MAST4: variants seen among roughly 807,000 people sequenced by gnomAD.
MAST4 encodes microtubule-associated serine/threonine-protein kinase 4.
A neutral mutation model predicts 162.7 loss-of-function variants in MAST4; 89 were observed. The observed-to-expected ratio is 0.55, with a 90% CI of 0.46 to 0.65. The LOEUF (loss-of-function observed/expected upper bound fraction) is 0.65. MAST4 is among the 30% of genes least tolerant of loss of function. MAST4 has a pLI of 0.00. For missense variants in MAST4, 3,153 were observed against 3,374.0 expected (o/e 0.93, Z 1.62); for synonymous variants, 1,479 against 1,361.1 (o/e 1.09, Z -1.91).
At chr5:66,699,093 T>C (rs1163016651) in intron 1 of MAST4, among the ~76,000 whole-genome samples, 2 of 152,174 alleles carry the variant, frequency 1.3e-5, no homozygotes, top group Non-Finnish European at 2.9e-5. Context: ...CCCTATGTGA[T>C]CCAGTCCCCA....
At chr5:66,747,195 A>G (rs1752822850) in intron 1 of MAST4, among the ~76,000 whole-genome samples, 1 of 152,058 alleles carries the variant, frequency 6.6e-6, no homozygotes, top group Non-Finnish European at 1.5e-5. Flanking sequence ...AGATAGCAGT[A>G]TCAAAGTGCT....
At chr5:66,679,810 G>A (rs79137751) in intron 1 of MAST4, among the ~76,000 whole-genome samples, 206 of 152,114 alleles carry the variant, frequency 1.4e-3, no homozygotes, top group Non-Finnish European at 2.0e-3. Flanking sequence ...ACCCTGCCAC[G>A]TGCACAACTA....
intron 6 of MAST4, among the ~76,000 whole-genome samples, chr5:67,092,701 A>G (rs1317032780): frequency 6.6e-6 from 1 of 152,176 alleles, no homozygotes; most frequent in Non-Finnish European, 1.5e-5. Flanking sequence ...CTAGTTCCCT[A>G]GTTATTATGC....
intron 1 of MAST4, among the ~76,000 whole-genome samples, chr5:66,640,317 T>C (rs1745407444): frequency 6.6e-6 from 1 of 151,628 alleles, no homozygotes; most frequent in Non-Finnish European, 1.5e-5. Flanking sequence ...TTCTTTTTTT[T>C]TTTTTTTTGA....
chr5:66,911,802 A>G (rs888579771), intron 4 of MAST4, among the ~76,000 whole-genome samples: 1 of 152,186 alleles, frequency 6.6e-6, no homozygotes, highest in African/African-American at 2.4e-5. Flanking sequence ...AAATATTTAC[A>G]TATTTCATAG....
At chr5:66,714,339 G>A (rs1750683430) in intron 1 of MAST4, among the ~76,000 whole-genome samples, 1 of 152,142 alleles carries the variant, frequency 6.6e-6, no homozygotes, top group South Asian at 2.1e-4. Context: ...CTGTATCATC[G>A]AAACTGTCCA....
chr5:67,150,140 C>A (rs992761347), intron 24 of MAST4, among the ~76,000 whole-genome samples: 1 of 152,220 alleles, frequency 6.6e-6, no homozygotes, highest in Non-Finnish European at 1.5e-5. Flanking sequence ...AGCAAATCAT[C>A]TTCTGCCCTG....
intron 3 of MAST4, among the ~76,000 whole-genome samples, chr5:66,840,065 G>A (rs1296925046): frequency 6.6e-6 from 1 of 151,940 alleles, no homozygotes; most frequent in Non-Finnish European, 1.5e-5. Flanking sequence ...TAGTAGTTTA[G>A]TATGTTGAGA....
intron 1 of MAST4, among the ~76,000 whole-genome samples, chr5:66,754,193 T>C (rs888890530): frequency 9.4e-5 from 14 of 149,290 alleles, no homozygotes; most frequent in Admixed American, 4.0e-4. Context: ...ACAGCCAATA[T>C]CATACTGAAT....
chr5:67,163,673 G>A lies in MAST4; in HGVS notation c.4494G>A (p.Pro1498=). Residue 1498 remains proline (P), a synonymous_variant, in exon 29 of 29, where the codon CCG becomes CCA. Coordinates refer to ENST00000403625, the MANE Select transcript of MAST4 (RefSeq NM_001164664.2). This position sits in a 1 kb window ranked among gnomAD's most constrained non-coding sequence, Gnocchi z 7.0. ...SLDENVCDVP[P]LSRARPVEQG... ...ATGAGAACGTGTGCGACGTGCCGCC[G>A]CTCAGCCGCGCCCGGCCAGTGGAGC... is the stretch of plus-strand genomic sequence containing the variant. 6.2e-7 allele frequency: 1 copy of A among 1,608,172 alleles called. No homozygotes were observed. Among genetic ancestry groups the A allele is most frequent in the Non-Finnish European group, 8.5e-7 (1 of 1,177,984 alleles).
intron 1 of MAST4, among the ~76,000 whole-genome samples, chr5:66,616,178 TAGA>T (rs1257755520): frequency 1.1e-4 from 16 of 152,276 alleles, no homozygotes; most frequent in South Asian, 6.2e-4. Context: ...CAGAGACTGA[TAGA>T]AGAAGAACTC....
At chr5:66,720,494 T>G (rs1435529723) in intron 1 of MAST4, among the ~76,000 whole-genome samples, 1 of 152,178 alleles carries the variant, frequency 6.6e-6, no homozygotes, top group African/African-American at 2.4e-5. Context: ...TGTATTTTAA[T>G]TTTCAGCATG....
At chr5:66,674,567 G>A (rs905636730) in intron 1 of MAST4, among the ~76,000 whole-genome samples, 2 of 152,226 alleles carry the variant, frequency 1.3e-5, no homozygotes, top group African/African-American at 2.4e-5. Context: ...TAGACGAATA[G>A]CACCTTTCAG....
At chr5:66,809,394 T>G (rs559182688) in intron 3 of MAST4, among the ~76,000 whole-genome samples, 20 of 152,304 alleles carry the variant, frequency 1.3e-4, no homozygotes, top group Middle Eastern at 3.4e-3. Flanking sequence ...TGGCAGTTGA[T>G]CAACAACAAC....
chr5:67,042,796 A>C (rs1756923886), intron 4 of MAST4, among the ~76,000 whole-genome samples: 1 of 152,230 alleles, frequency 6.6e-6, no homozygotes, highest in Admixed American at 6.5e-5. Context: ...GCTAGCAACA[A>C]AACATGCTGA....
rs1273282726 is a variant in MAST4 at position 66,959,124 on chromosome 5, TC to T, written c.674+59147del. The T allele has an allele frequency of 4.3e-6, 3 of 698,098 alleles. No homozygotes were observed. The African/African-American group carries it at 5.3e-5, about 12-fold the overall frequency. The allele number at this position is 698,098 out of a possible 1,614,324, so 43.2% of individuals were successfully genotyped here. ...AGGACCCAAACTTGCAGCCTCCCCC[TC>T]CCCCTCGAGAGAGTGTTAGTCCAGT... On this transcript the variant is annotated intron_variant, in intron 4 of 28. Transcript: ENST00000403625.
At chr5:67,008,947 C>T (rs2150345625) in intron 4 of MAST4, among the ~76,000 whole-genome samples, 1 of 152,270 alleles carries the variant, frequency 6.6e-6, no homozygotes, top group East Asian at 1.9e-4. Flanking sequence ...GAATATATGT[C>T]ATGACTATGA....
At chr5:66,829,339 C>T (rs1054357495) in intron 3 of MAST4, among the ~76,000 whole-genome samples, 2 of 151,642 alleles carry the variant, frequency 1.3e-5, no homozygotes, top group African/African-American at 4.9e-5. Context: ...GAATTTTCCC[C>T]GTCAGTGAAA....
At chr5:66,828,705 C>G (rs1757395435) in intron 3 of MAST4, 2 of 1,305,982 alleles carry the variant, frequency 1.5e-6, no homozygotes, top group South Asian at 2.7e-5. Context: ...TAAGCTGGAC[C>G]AGCTGACTCC....
Sources: gnomAD v4.1 joint callset for allele counts (sites outside exome capture counted in the v4.1 genomes callset) on GRCh38, gnomAD v4.1.1 for gene constraint, Gnocchi (gnomAD v3.1) non-coding constraint, MANE v1.5 for transcripts, NCBI Gene and HGNC (gene_info 2026-07-23, HGNC 2026-07-21) for gene names.